The following AFAP1 variants were observed in gnomAD, a reference collection of about 807,000 sequenced individuals.
The protein encoded by AFAP1 is actin filament associated protein 1, also known as actin filament-associated protein 1.
In AFAP1, 75 loss-of-function variants were observed where a neutral mutation model predicts 93.9. The observed-to-expected ratio is 0.80, with a 90% CI of 0.66 to 0.97. The LOEUF (loss-of-function observed/expected upper bound fraction) is 0.97, where lower values mean the gene tolerates loss of function less well. AFAP1 is among the 50% of genes least tolerant of loss of function. AFAP1 has a pLI of 0.00. For missense variants in AFAP1, 1,201 were observed against 1,050.8 expected, an observed-to-expected ratio of 1.14 and a Z score of -1.98; for synonymous variants, 517 against 430.7, an observed-to-expected ratio of 1.20 and a Z score of -2.48.
chr4:7,780,340 G>T (rs2148982080), intron 13 of AFAP1, among the ~76,000 whole-genome samples: 1 of 152,332 alleles, frequency 6.6e-6, no homozygotes, highest in African/African-American at 2.4e-5. Context: ...GACCTATTGG[G>T]AGCTACTGTT....
At chr4:7,854,388 G>A (rs1392740983) in intron 4 of AFAP1, among the ~76,000 whole-genome samples, 1 of 152,184 alleles carries the variant, frequency 6.6e-6, no homozygotes, top group African/African-American at 2.4e-5. Flanking sequence ...CACCCTCAGG[G>A]GCACGCAGTC....
intron 3 of AFAP1, chr4:7,861,913 T>C (rs943417431): frequency 6.6e-6 from 1 of 152,246 alleles, no homozygotes; most frequent in Non-Finnish European, 1.5e-5. Context: ...AGAGCCAACG[T>C]TGTCACATAA....
intron 6 of AFAP1, among the ~76,000 whole-genome samples, chr4:7,830,470 A>T (rs1721790885): frequency 6.6e-6 from 1 of 152,258 alleles, no homozygotes; most frequent in Non-Finnish European, 1.5e-5. Flanking sequence ...CATCAGAAGC[A>T]GATAATTCTG....
At chr4:7,859,355 G>A (rs1715418210) in intron 3 of AFAP1, among the ~76,000 whole-genome samples, 1 of 152,032 alleles carries the variant, frequency 6.6e-6, no homozygotes, top group Non-Finnish European at 1.5e-5. Flanking sequence ...GGAGGCAGAG[G>A]CTGCAGTGAG....
intron 17 of AFAP1, among the ~76,000 whole-genome samples, chr4:7,766,975 C>A (rs1324927695): frequency 6.6e-6 from 1 of 151,862 alleles, no homozygotes; most frequent in Non-Finnish European, 1.5e-5. Flanking sequence ...TACGTCAGAC[C>A]CCTTGGTCCC....
At chr4:7,875,957 T>C (rs1304151867) in intron 1 of AFAP1, among the ~76,000 whole-genome samples, 1 of 152,038 alleles carries the variant, frequency 6.6e-6, no homozygotes, top group East Asian at 1.9e-4. Context: ...TTTAATGGGG[T>C]TCAGAGTTAA....
At chr4:7,841,728 G>C (rs1485898267) in intron 5 of AFAP1, among the ~76,000 whole-genome samples, 2 of 152,176 alleles carry the variant, frequency 1.3e-5, no homozygotes, top group African/African-American at 4.8e-5. Context: ...CTTTGATTCT[G>C]CATTTGACCA....
chr4:7,786,557 C>T (rs1163854594), intron 11 of AFAP1, among the ~76,000 whole-genome samples: 1 of 152,210 alleles, frequency 6.6e-6, no homozygotes, highest in African/African-American at 2.4e-5. Flanking sequence ...ACCAGGTACA[C>T]GCAGCAAAGC....
At position 7,759,251 on chromosome 4, in the gene AFAP1, A is replaced by G. The variant is rs1713431376; in HGVS notation, c.*4514T>C. On this transcript the variant is annotated 3_prime_UTR_variant, in exon 18 of 18. Coordinates refer to ENST00000420658, the MANE Select transcript of AFAP1 (RefSeq NM_001134647.2). ...TTATGATCTGAAGATGTCCTTTTGA[A>G]AGTATCTTCCATGGCTACACTAAAA... 6.6e-6 allele frequency: 1 copy of G among 152,648 alleles called. No individual in the cohort carries two copies. Among genetic ancestry groups the G allele is most frequent in the African/African-American group, 2.4e-5 (1 of 41,454 alleles). 9.5% of individuals were successfully genotyped at this position (152,648 alleles called of 1,614,324 possible). A position where few individuals can be genotyped will look rare whatever the true frequency, so the allele number is the denominator to read the frequency against.
chr4:7,896,998 C>T (rs548630403), intron 1 of AFAP1, among the ~76,000 whole-genome samples: 1 of 152,244 alleles, frequency 6.6e-6, no homozygotes, highest in South Asian at 2.1e-4. Flanking sequence ...GCTGGCTCCC[C>T]TTCTCTTCCC....
intron 1 of AFAP1, among the ~76,000 whole-genome samples, chr4:7,882,720 G>C (rs1056420155): frequency 6.6e-6 from 1 of 152,112 alleles, no homozygotes; most frequent in Non-Finnish European, 1.5e-5. Context: ...TTAGCAGGGC[G>C]TGGTGGCACG....
intron 1 of AFAP1, among the ~76,000 whole-genome samples, chr4:7,888,386 G>A (rs1718255941): frequency 6.6e-6 from 1 of 152,114 alleles, no homozygotes; most frequent in South Asian, 2.1e-4. Context: ...AATAAATTCT[G>A]AACTCCTCCT....
At chr4:7,911,358 G>C (rs1459409200) in intron 1 of AFAP1, among the ~76,000 whole-genome samples, 3 of 152,200 alleles carry the variant, frequency 2.0e-5, no homozygotes, top group African/African-American at 4.8e-5. Flanking sequence ...CAAACTGTGA[G>C]CTGTACTGAC....
At chr4:7,917,029 C>T (rs897447788) in intron 1 of AFAP1, among the ~76,000 whole-genome samples, 1 of 152,174 alleles carries the variant, frequency 6.6e-6, no homozygotes, top group Admixed American at 6.5e-5. Flanking sequence ...GGAATAGTGC[C>T]ATGAGTTTGA....
At chr4:7,921,181 CTTT>C (rs34764139) in intron 1 of AFAP1, among the ~76,000 whole-genome samples, 5 of 95,104 alleles carry the variant, frequency 5.3e-5, no homozygotes, top group South Asian at 3.9e-4. Flanking sequence ...GAGAGCAAAA[CTTT>C]TTTTTTTTTT....
intron 9 of AFAP1, among the ~76,000 whole-genome samples, chr4:7,807,135 C>T (rs1009300281): frequency 6.6e-6 from 1 of 152,148 alleles, no homozygotes; most frequent in East Asian, 1.9e-4. Flanking sequence ...CTCTCAATTG[C>T]CTTTCATATT....
chr4:7,890,528 A>G (rs975509749), intron 1 of AFAP1, among the ~76,000 whole-genome samples: 4 of 152,226 alleles, frequency 2.6e-5, no homozygotes, highest in Non-Finnish European at 4.4e-5. Flanking sequence ...GAACTTTTTA[A>G]TCTTTAAGAA....
At chr4:7,777,559 C>T (rs996685146) in intron 14 of AFAP1, 5 of 152,226 alleles carry the variant, frequency 3.3e-5, no homozygotes, top group South Asian at 2.1e-4. Context: ...ATGGCAGCCT[C>T]GCTCTTCGAC....
At position 7,763,575 on chromosome 4, in the gene AFAP1, A is replaced by C; in HGVS notation, c.*190T>G. On this transcript the variant is annotated 3_prime_UTR_variant, in exon 18 of 18. Transcript: ENST00000420658. ...GAACCAAAGTCTTACATCTTTTTTAAAGGCGCCATTTTACAGTAGAAAGAA... is the reference window on the plus strand; with the variant it reads ...GAACCAAAGTCTTACATCTTTTTTACAGGCGCCATTTTACAGTAGAAAGAA... The C allele has an allele frequency of 1.7e-6, 1 of 599,546 alleles. No individual in the cohort carries two copies. Among genetic ancestry groups the C allele is most frequent in the South Asian group, 2.8e-5 (1 of 35,908 alleles). The allele number at this position is 599,546 out of a possible 1,614,324, so 37.1% of individuals were successfully genotyped here. A position where few individuals can be genotyped will look rare whatever the true frequency, so the allele number is the denominator to read the frequency against.
Sources: allele counts gnomAD v4.1 joint callset (sites outside exome capture counted in the v4.1 genomes callset), GRCh38; gene constraint gnomAD v4.1.1; transcripts MANE v1.5; gene names NCBI Gene and HGNC (gene_info 2026-07-23, HGNC 2026-07-21).